Variants in CDH7 observed in about 807,000 individuals in gnomAD.
CDH7 encodes the protein cadherin 7.
In CDH7, 25 loss-of-function variants were observed where a neutral mutation model predicts 71.8. That is an observed-to-expected ratio of 0.35 (90% confidence interval 0.25 to 0.49). The LOEUF is 0.49. Among genes scored for constraint, CDH7 ranks in the 20% least tolerant of loss-of-function variants. CDH7 has a pLI of 0.99. For synonymous variants in CDH7, 381 were observed against 363.8 expected (o/e 1.05, Z -0.54); for missense variants, 862 against 974.6 (o/e 0.88, Z 1.54).
At position 65,885,372 on chromosome 18, in the gene CDH7, G is replaced by GTTTTTTTTCTTTTTTTTTTTTTTTT. The variant is rs1555692661; in HGVS notation, c.*4486_*4487insCTTTTTTTTTTTTTTTTTTTTTTTT. 31 of 69,446 alleles carry GTTTTTTTTCTTTTTTTTTTTTTTTT rather than the reference G, an allele frequency of 4.5e-4. 10 individuals are homozygous for GTTTTTTTTCTTTTTTTTTTTTTTTT. Among genetic ancestry groups the GTTTTTTTTCTTTTTTTTTTTTTTTT allele is most frequent in the East Asian group, 1.7e-3 (4 of 2,378 alleles). The allele number at this position is 69,446 out of a possible 1,614,324, so 4.3% of individuals were successfully genotyped here. ...GTAACTGAAAAGGATGTGTGCCTGT[G>GTTTTTTTTCTTTTTTTTTTTTTTTT]TTTTTTTTTTTTTTTTTTTTTTTGA... is the stretch of plus-strand genomic sequence containing the variant. On this transcript the variant is annotated 3_prime_UTR_variant, in exon 12 of 12. Transcript: ENST00000397968.
chr18:65,773,721 G>A (rs1916614873), intron 2 of CDH7, among the ~76,000 whole-genome samples: 1 of 152,066 alleles, frequency 6.6e-6, no homozygotes, highest in South Asian at 2.1e-4. Context: ...ATTTTTAAAA[G>A]TTAGTGAGCT....
intron 2 of CDH7, among the ~76,000 whole-genome samples, chr18:65,775,725 C>G (rs1437276914): frequency 6.6e-6 from 1 of 152,142 alleles, no homozygotes. Flanking sequence ...GCATTCAGAG[C>G]CATCCTGGGC....
intron 2 of CDH7, among the ~76,000 whole-genome samples, chr18:65,794,103 T>C (rs1568188610): frequency 6.6e-6 from 1 of 152,086 alleles, no homozygotes; most frequent in Non-Finnish European, 1.5e-5. Flanking sequence ...TGCATCTTTT[T>C]CCACATTTTA....
intron 2 of CDH7, among the ~76,000 whole-genome samples, chr18:65,776,401 C>CACACAG (rs1370490839): frequency 1.1e-4 from 14 of 124,676 alleles, no homozygotes; most frequent in African/African-American, 3.7e-4. Context: ...CACACACACA[C>CACACAG]AGAGAGAGAG....
intron 7 of CDH7, among the ~76,000 whole-genome samples, chr18:65,846,772 A>G (rs1232244297): frequency 6.6e-6 from 1 of 152,168 alleles, no homozygotes; most frequent in Non-Finnish European, 1.5e-5. Context: ...TTTTTGTATT[A>G]GCCAGCAAAA....
At chr18:65,765,846 A>G (rs1916345823) in intron 2 of CDH7, among the ~76,000 whole-genome samples, 1 of 152,094 alleles carries the variant, frequency 6.6e-6, no homozygotes, top group African/African-American at 2.4e-5. Flanking sequence ...GCCTAATATC[A>G]TTAAGTTTTA....
chr18:65,777,682 A>G (rs1269587105), intron 2 of CDH7, among the ~76,000 whole-genome samples: 1 of 152,166 alleles, frequency 6.6e-6, no homozygotes, highest in Admixed American at 6.5e-5. Flanking sequence ...CCACCAGAGT[A>G]TAATTACTAC....
At position 65,762,899 on chromosome 18, in the gene CDH7, GTGTTTTTCTGGGA is replaced by G; in HGVS notation, c.60_72del (p.Cys20Ter). 1 of 1,613,488 alleles carries G rather than the reference GTGTTTTTCTGGGA, an allele frequency of 6.2e-7. No individual in the cohort carries two copies. The highest frequency in any genetic ancestry group is 8.5e-7 in the Non-Finnish European group (1 of 1,179,778). The stretch of plus-strand genomic sequence containing the variant: ...TTCTGCAGCTAATAGCTCTTTTCCT[GTGTTTTTCTGGGA>G]TGAGTCAAGCAGAACTCTCAAGGTC... On this transcript the variant is annotated frameshift_variant, in exon 2 of 12. Coordinates refer to ENST00000397968, the MANE Select transcript of CDH7 (RefSeq NM_004361.5). LOFTEE classifies it high-confidence loss of function.
chr18:65,838,494 T>C (rs1009160513), intron 6 of CDH7, among the ~76,000 whole-genome samples: 1 of 152,152 alleles, frequency 6.6e-6, no homozygotes, highest in African/African-American at 2.4e-5. Context: ...GACATGCACA[T>C]ATACACATAC....
chr18:65,863,698 A>G (rs938529468), intron 11 of CDH7: 3 of 152,216 alleles, frequency 2.0e-5, no homozygotes, highest in Non-Finnish European at 2.9e-5. Context: ...TCAGCAATGC[A>G]AATCTTATAT....
intron 2 of CDH7, among the ~76,000 whole-genome samples, chr18:65,798,798 T>C (rs1911008832): frequency 6.6e-6 from 1 of 152,110 alleles, no homozygotes; most frequent in African/African-American, 2.4e-5. Context: ...GGTGGCTCTC[T>C]TCAACTGAGG....
At chr18:65,834,749 A>C (rs561511742) in intron 6 of CDH7, among the ~76,000 whole-genome samples, 1 of 152,290 alleles carries the variant, frequency 6.6e-6, no homozygotes, top group East Asian at 1.9e-4. Context: ...GAGTTCAAAG[A>C]AATTCCCATG....
rs985881722 is a variant in CDH7 at position 65,758,565 on chromosome 18, T to C, written c.-196-4082T>C. On this transcript the variant is annotated intron_variant, in intron 1 of 11. Coordinates refer to ENST00000397968, the MANE Select transcript of CDH7 (RefSeq NM_004361.5). ...ACAAAGAGTATGACAGAGACACTTA[T>C]CTCAAAAAAGAAAATTTCGTCCTCT... is the stretch of plus-strand genomic sequence containing the variant. Among the ~76,000 whole-genome samples the C allele has an allele frequency of 1.2e-4, 18 of 152,300 alleles. No individual in the cohort carries two copies. In the South Asian group the frequency reaches 1.2e-3, roughly 11 times the overall value.
intron 1 of CDH7, among the ~76,000 whole-genome samples, chr18:65,760,881 G>A (rs1216897550): frequency 2.0e-5 from 3 of 152,156 alleles, no homozygotes; most frequent in Non-Finnish European, 4.4e-5. Flanking sequence ...TTTTTAAACT[G>A]TAGGAAGCAC....
At chr18:65,793,418 C>CAAAAAAAAAAAAAAAAA (rs541826329) in intron 2 of CDH7, among the ~76,000 whole-genome samples, 1 of 91,198 alleles carries the variant, frequency 1.1e-5, no homozygotes, top group African/African-American at 3.9e-5. Context: ...CACCCAGTCT[C>CAAAAAAAAAAAAAAAAA]AAAAAAAAAA....
chr18:65,785,484 G>A (rs1910480950), intron 2 of CDH7, among the ~76,000 whole-genome samples: 1 of 151,954 alleles, frequency 6.6e-6, no homozygotes. Context: ...TTAGCGTAGA[G>A]CTTTTATTAG....
chr18:65,828,799 A>C (rs929775554), intron 6 of CDH7, among the ~76,000 whole-genome samples: 2 of 152,130 alleles, frequency 1.3e-5, no homozygotes, highest in African/African-American at 4.8e-5. Context: ...GAAATATGTA[A>C]TTCACAGTTT....
chr18:65,768,872 A>T (rs1598990410), intron 2 of CDH7, among the ~76,000 whole-genome samples: 2 of 152,154 alleles, frequency 1.3e-5, no homozygotes, highest in Admixed American at 6.6e-5. Context: ...TTAACATTGT[A>T]TCCAAGAAAA....
intron 3 of CDH7, among the ~76,000 whole-genome samples, chr18:65,812,644 A>G (rs1428959594): frequency 8.5e-5 from 13 of 152,222 alleles, no homozygotes; most frequent in Admixed American, 8.5e-4. Flanking sequence ...ATTTATTGCC[A>G]GAAGAACATA....
Sources: gnomAD v4.1 joint callset for allele counts (sites outside exome capture counted in the v4.1 genomes callset) on GRCh38, gnomAD v4.1.1 for gene constraint, MANE v1.5 for transcripts, NCBI Gene and HGNC (gene_info 2026-07-23, HGNC 2026-07-21) for gene names.